TBC1D15: variants seen among roughly 807,000 people sequenced by gnomAD.
The protein encoded by TBC1D15 is GAP for RAB7.
In TBC1D15, 39 loss-of-function variants were observed where a neutral mutation model predicts 95.4. That is an observed-to-expected ratio of 0.41 (90% CI 0.32 to 0.53). TBC1D15 has a LOEUF of 0.53. TBC1D15 is among the 20% of genes least tolerant of loss of function. The probability of loss-of-function intolerance (pLI) is 0.29; values close to 1 mark genes in which losing one functional copy is unlikely to be tolerated. For missense variants in TBC1D15, 733 were observed against 794.3 expected (o/e 0.92, Z 0.93); for synonymous variants, 258 against 261.3 (o/e 0.99, Z 0.12).
chr12:71,901,030 C>A (rs1244564054), intron 10 of TBC1D15, among the ~76,000 whole-genome samples: 2 of 152,030 alleles, frequency 1.3e-5, no homozygotes, highest in Non-Finnish European at 2.9e-5. Flanking sequence ...ATGGATATTG[C>A]TGGGTTTTTT....
Position 71,894,686 on chromosome 12 carries a change from A to G in TBC1D15, c.658A>G (p.Lys220Glu). 1 of 1,609,024 alleles carries G rather than the reference A, an allele frequency of 6.2e-7. No homozygotes were observed. Among genetic ancestry groups the G allele is most frequent in the African/African-American group, 1.3e-5 (1 of 74,704 alleles). ...LDEPAYGLIQKIKKDPYTATM... is the reference protein window; with the variant it reads ...LDEPAYGLIQEIKKDPYTATM... The stretch of plus-strand genomic sequence containing the variant: ...TAATATTTTTCTTCCTACTGCATAG[A>G]AAATTAAAAAGGACCCTTATACGGC... Residue 220 changes from lysine (K) to glutamate (E), a missense_variant and splice_region_variant, in exon 7 of 17, where the codon AAA (lysine) becomes GAA (glutamate). Coordinates refer to ENST00000485960, the MANE Select transcript of TBC1D15 (RefSeq NM_001146213.3).
At chr12:71,846,755 C>CTTTT (rs10651326) in intron 1 of TBC1D15, among the ~76,000 whole-genome samples, 16 of 111,188 alleles carry the variant, frequency 1.4e-4, no homozygotes, top group East Asian at 2.9e-4. Flanking sequence ...TTTTATACAG[C>CTTTT]TTTTTTTTTT....
chr12:71,869,259 A>G (rs1444168914), intron 1 of TBC1D15, among the ~76,000 whole-genome samples: 2 of 152,222 alleles, frequency 1.3e-5, no homozygotes, highest in Non-Finnish European at 2.9e-5. Context: ...GCTGTGGCTC[A>G]TGCCTGTAAT....
At chr12:71,883,638 T>G (rs923913489) in intron 4 of TBC1D15, among the ~76,000 whole-genome samples, 1 of 152,146 alleles carries the variant, frequency 6.6e-6, no homozygotes, top group African/African-American at 2.4e-5. Context: ...TCTGATCTAG[T>G]CTTGTAAGCA....
At chr12:71,855,908 G>T (rs894002238) in intron 1 of TBC1D15, among the ~76,000 whole-genome samples, 1 of 149,962 alleles carries the variant, frequency 6.7e-6, no homozygotes, top group Non-Finnish European at 1.5e-5. Flanking sequence ...TTAATCAGTT[G>T]CACCTTTTGT....
intron 3 of TBC1D15, among the ~76,000 whole-genome samples, chr12:71,876,253 T>C (rs1893787969): frequency 6.6e-6 from 1 of 152,210 alleles, no homozygotes; most frequent in African/African-American, 2.4e-5. Flanking sequence ...TAGCTGTTTT[T>C]TTGATTAGTT....
At chr12:71,843,894 T>C (rs1202139004) in intron 1 of TBC1D15, among the ~76,000 whole-genome samples, 2 of 152,200 alleles carry the variant, frequency 1.3e-5, no homozygotes, top group Non-Finnish European at 2.9e-5. Flanking sequence ...TCAGACTATC[T>C]GTGATGTATT....
intron 3 of TBC1D15, among the ~76,000 whole-genome samples, chr12:71,876,806 AGTTTTTTTGTTTT>A (rs1185647789): frequency 3.8e-5 from 5 of 131,406 alleles, no homozygotes; most frequent in East Asian, 2.3e-4. Flanking sequence ...TTTTTTTTGA[AGTTTTTTTGTTTT>A]GTTTTTTTTG....
intron 12 of TBC1D15, among the ~76,000 whole-genome samples, chr12:71,914,937 G>C (rs1903327694): frequency 6.6e-6 from 1 of 151,766 alleles, no homozygotes; most frequent in African/African-American, 2.4e-5. Context: ...CTTGTCCATA[G>C]ATTCAACTTG....
In TBC1D15 at chr12:71,872,103, T is replaced by C; in HGVS notation, c.64T>C (p.Ser22Pro). 1.9e-6 allele frequency: 3 copies of C among 1,570,376 alleles called. No homozygotes were observed. Among genetic ancestry groups the C allele is most frequent in the Non-Finnish European group, 2.6e-6 (3 of 1,160,908 alleles). ...IYEQEGVYIH[S>P]SCGKTNDQDG... The stretch of plus-strand genomic sequence containing the variant: ...TGAACAAGAAGGAGTATATATTCAC[T>C]CATCTTGTGGAAAGACCAATGACCA... The change falls in exon 2 of 17, where the codon TCA (serine) becomes CCA (proline). Residue 22 changes from serine to proline, a missense_variant. Physicochemically the swap from Ser to Pro is moderately conservative, Grantham distance 74. Transcript: ENST00000485960.
chr12:71,881,282 A>T (rs553277311), intron 4 of TBC1D15, among the ~76,000 whole-genome samples: 1 of 152,324 alleles, frequency 6.6e-6, no homozygotes, highest in Non-Finnish European at 1.5e-5. Flanking sequence ...TGTGGTATTC[A>T]GTATAGTAAT....
intron 11 of TBC1D15, among the ~76,000 whole-genome samples, chr12:71,911,632 G>T (rs1168953951): frequency 1.5e-5 from 1 of 67,576 alleles, no homozygotes; most frequent in Non-Finnish European, 3.1e-5. Flanking sequence ...GTGGGGTGGG[G>T]GGAGGGGGGA....
At chr12:71,879,262 A>T (rs1354342086) in intron 3 of TBC1D15, among the ~76,000 whole-genome samples, 1 of 152,046 alleles carries the variant, frequency 6.6e-6, no homozygotes, top group East Asian at 1.9e-4. Context: ...CCTCTCGAGT[A>T]GCTGGGATTA....
chr12:71,891,055 T>C (rs1897123552), intron 5 of TBC1D15, among the ~76,000 whole-genome samples: 1 of 152,130 alleles, frequency 6.6e-6, no homozygotes, highest in Non-Finnish European at 1.5e-5. Context: ...GATTAGGTTC[T>C]AGATGTAAAA....
At chr12:71,914,064 CT>C in intron 12 of TBC1D15, 138 bp downstream of exon 12, 1 of 581,800 alleles carries the variant, frequency 1.7e-6, no homozygotes, top group Non-Finnish European at 2.9e-6. Context: ...GTTACTTTTT[CT>C]TTTTAGTAGC....
chr12:71,923,658 A>C lies in TBC1D15; in HGVS notation c.*454A>C, dbSNP rs1018422343. 2.5e-5 allele frequency: 4 copies of C among 158,318 alleles called. No homozygotes were observed. The highest frequency in any genetic ancestry group is 9.6e-5 in the African/African-American group (4 of 41,480). 9.8% of individuals were successfully genotyped at this position (158,318 alleles called of 1,614,324 possible). ...TAAAAATAAAAGGATTTTTTTCTCT[A>C]TTGTTTACGACAGTACTCAGCTTAA... On this transcript the variant is annotated 3_prime_UTR_variant, in exon 17 of 17. Coordinates refer to ENST00000485960, the MANE Select transcript of TBC1D15 (RefSeq NM_001146213.3).
At chr12:71,843,717 T>C (rs908004162) in intron 1 of TBC1D15, among the ~76,000 whole-genome samples, 4 of 152,124 alleles carry the variant, frequency 2.6e-5, no homozygotes. Context: ...GGTGTGATCA[T>C]GGTTCATTGC....
intron 14 of TBC1D15, 68 bp downstream of exon 14, chr12:71,918,616 G>A (rs796978470): frequency 3.2e-5 from 33 of 1,045,388 alleles, no homozygotes; most frequent in South Asian, 1.5e-4. Context: ...TCTGTAGAGT[G>A]TAAATGAATT....
At chr12:71,869,691 TAATAA>T (rs1178840526) in intron 1 of TBC1D15, among the ~76,000 whole-genome samples, 2 of 152,164 alleles carry the variant, frequency 1.3e-5, no homozygotes, top group South Asian at 2.1e-4. Context: ...AGACTAAAGT[TAATAA>T]AATTGTATTG....
Sources: allele counts gnomAD v4.1 joint callset (sites outside exome capture counted in the v4.1 genomes callset), GRCh38; gene constraint gnomAD v4.1.1; transcripts MANE v1.5; gene names NCBI Gene and HGNC (gene_info 2026-07-23, HGNC 2026-07-21).